The following ERBIN variants were observed in gnomAD, a reference collection of about 807,000 sequenced individuals.
ERBIN encodes densin-180-like protein.
ERBIN carries 60 observed loss-of-function variants against 158.4 expected under a neutral mutation model. That is an observed-to-expected ratio of 0.38 (90% CI 0.31 to 0.47). The LOEUF is 0.47. Among genes scored for constraint, ERBIN ranks in the 20% least tolerant of loss-of-function variants. ERBIN has a pLI of 0.99. For synonymous variants in ERBIN, 594 were observed against 557.2 expected (o/e 1.07, Z -0.93); for missense variants, 1,610 against 1,648.0 (o/e 0.98, Z 0.40).
chr5:66,060,944 G>A (rs1225742299), intron 21 of ERBIN, among the ~76,000 whole-genome samples: 1 of 152,156 alleles, frequency 6.6e-6, no homozygotes, highest in Non-Finnish European at 1.5e-5. Context: ...ATTTGCTGAG[G>A]AGTGCTTGCT....
At chr5:66,027,065 T>G (rs943241617) in intron 13 of ERBIN, among the ~76,000 whole-genome samples, 4 of 151,998 alleles carry the variant, frequency 2.6e-5, no homozygotes, top group Non-Finnish European at 5.9e-5. Flanking sequence ...AACATACTAA[T>G]GATGATTAAA....
intron 21 of ERBIN, among the ~76,000 whole-genome samples, chr5:66,065,297 T>C (rs2151281098): frequency 6.6e-6 from 1 of 152,288 alleles, no homozygotes; most frequent in Middle Eastern, 3.4e-3. Context: ...GTTAAATTGC[T>C]AAGATTGCTA....
chr5:65,983,759 G>C (rs1171527235), intron 1 of ERBIN, among the ~76,000 whole-genome samples: 1 of 152,132 alleles, frequency 6.6e-6, no homozygotes, highest in Non-Finnish European at 1.5e-5. Flanking sequence ...CCTTGCCATG[G>C]CCTCCAAAGC....
Position 66,013,487 on chromosome 5 carries a change from G to A in ERBIN, c.387-62G>A, listed in dbSNP as rs878932387. ...GGGAAAATATCTTGTGAGAGTCTTA[G>A]ATTTTAATAAAAGACTGAATTTCTT... is the stretch of plus-strand genomic sequence containing the variant. On this transcript the variant is annotated intron_variant, in intron 5 of 25. Coordinates refer to ENST00000284037, the MANE Select transcript of ERBIN (RefSeq NM_001253697.2). 4.4e-5 allele frequency: 52 copies of A among 1,175,572 alleles called. No homozygotes were observed. The South Asian group carries it at 5.9e-4, about 13-fold the overall frequency. 72.8% of individuals were successfully genotyped at this position (1,175,572 alleles called of 1,614,324 possible).
At chr5:66,036,979 A>G (rs1255074931) in intron 14 of ERBIN, among the ~76,000 whole-genome samples, 8 of 152,184 alleles carry the variant, frequency 5.3e-5, no homozygotes, top group African/African-American at 1.9e-4. Context: ...CCATACAGTG[A>G]ACCCCTTTTA....
chr5:65,966,450 G>A (rs1480229265), intron 1 of ERBIN, among the ~76,000 whole-genome samples: 2 of 152,114 alleles, frequency 1.3e-5, no homozygotes, highest in East Asian at 1.9e-4. Context: ...GGAGGCCAAG[G>A]TGGGCGGATC....
At chr5:66,065,152 TAC>T (rs1291209234) in intron 21 of ERBIN, among the ~76,000 whole-genome samples, 1 of 152,210 alleles carries the variant, frequency 6.6e-6, no homozygotes, top group Non-Finnish European at 1.5e-5. Flanking sequence ...TGGAACACAA[TAC>T]GATACTAGGT....
intron 1 of ERBIN, among the ~76,000 whole-genome samples, chr5:65,973,074 GC>G (rs1250847597): frequency 6.6e-6 from 1 of 150,674 alleles, no homozygotes; most frequent in Non-Finnish European, 1.5e-5. Flanking sequence ...GGAATACTAT[GC>G]AGCCATAAAA....
intron 21 of ERBIN, among the ~76,000 whole-genome samples, chr5:66,063,866 A>C (rs1760721289): frequency 1.3e-5 from 2 of 152,332 alleles, no homozygotes; most frequent in African/African-American, 4.8e-5. Context: ...GTATTTATAT[A>C]CACACTTATA....
At chr5:65,990,097 T>C (rs1219345699) in intron 2 of ERBIN, among the ~76,000 whole-genome samples, 1 of 152,250 alleles carries the variant, frequency 6.6e-6, no homozygotes, top group East Asian at 1.9e-4. Context: ...ACAGAGATTT[T>C]AGATGGAAAC....
chr5:66,005,467 T>C (rs1176763091), intron 4 of ERBIN, among the ~76,000 whole-genome samples: 1 of 152,124 alleles, frequency 6.6e-6, no homozygotes, highest in African/African-American at 2.4e-5. Flanking sequence ...GTTGTCACCA[T>C]ATGGATATTT....
At chr5:65,980,021 C>T (rs898910145) in intron 1 of ERBIN, among the ~76,000 whole-genome samples, 1 of 151,584 alleles carries the variant, frequency 6.6e-6, no homozygotes, top group Non-Finnish European at 1.5e-5. Context: ...TCTAGAGCAA[C>T]CAAAAATGTA....
At chr5:66,064,518 ATG>A (rs1309219827) in intron 21 of ERBIN, among the ~76,000 whole-genome samples, 1 of 152,196 alleles carries the variant, frequency 6.6e-6, no homozygotes, top group African/African-American at 2.4e-5. Context: ...CCAGGATGAT[ATG>A]TGTTACGTAG....
intron 21 of ERBIN, 67 bp from the exon 22 acceptor site, chr5:66,072,102 G>T: frequency 6.7e-7 from 1 of 1,495,962 alleles, no homozygotes; most frequent in Non-Finnish European, 9.0e-7. Context: ...CTTCTCTCAA[G>T]TGTCATCCTC....
intron 21 of ERBIN, chr5:66,068,883 C>G (rs1183807056): frequency 3.9e-6 from 6 of 1,531,942 alleles, no homozygotes; most frequent in South Asian, 1.2e-5. Context: ...TCAGAGCATG[C>G]TGTCAAGGTC....
In ERBIN at chr5:65,934,633, G is replaced by A. The variant is rs372205018; in HGVS notation, c.-58+7827G>A. Among the ~76,000 whole-genome samples the A allele has an allele frequency of 5.7e-4, 87 of 152,212 alleles. No individual in the cohort carries two copies. The Middle Eastern group carries it at 0.017, about 30-fold the overall frequency. ...TTATCAGGTGGCAGGCAATTTCAGT[G>A]TGTCCTATTATGGTATTCACTTTAT... is the stretch of plus-strand genomic sequence containing the variant. On this transcript the variant is annotated intron_variant, in intron 1 of 25. Coordinates refer to ENST00000284037, the MANE Select transcript of ERBIN (RefSeq NM_001253697.2).
At chr5:66,041,932 A>G (rs1015253837) in intron 15 of ERBIN, among the ~76,000 whole-genome samples, 23 of 151,892 alleles carry the variant, frequency 1.5e-4, no homozygotes, top group African/African-American at 4.1e-4. Context: ...ATTATAAGGG[A>G]AAAAAAATCT....
At chr5:66,042,960 C>T in intron 15 of ERBIN, 117 bp from the exon 16 acceptor site, 1 of 743,708 alleles carries the variant, frequency 1.3e-6, no homozygotes. Flanking sequence ...ATTGACCATT[C>T]TTAACTATTT....
rs538931163 is a variant in ERBIN at position 65,980,441 on chromosome 5, A to C, written c.-57-8194A>C. Among the ~76,000 whole-genome samples the C allele has an allele frequency of 5.9e-5, 9 of 151,942 alleles. No individual in the cohort carries two copies. In the South Asian group the frequency reaches 1.0e-3, roughly 17 times the overall value. Reference sequence around the variant, plus strand: ...AGACTCCGTCTCAAAAAAAACAAAAACAAAGCAAAAATAAATAATAATGTG... The same window carrying C: ...AGACTCCGTCTCAAAAAAAACAAAACCAAAGCAAAAATAAATAATAATGTG... On this transcript the variant is annotated intron_variant, in intron 1 of 25. Coordinates refer to ENST00000284037, the MANE Select transcript of ERBIN (RefSeq NM_001253697.2).
Sources: allele counts gnomAD v4.1 joint callset (sites outside exome capture counted in the v4.1 genomes callset), GRCh38; gene constraint gnomAD v4.1.1; transcripts MANE v1.5; gene names NCBI Gene and HGNC (gene_info 2026-07-23, HGNC 2026-07-21).